Variants in DLG2 observed in about 807,000 individuals in gnomAD.
DLG2 encodes disks large homolog 2.
A neutral mutation model predicts 132.5 loss-of-function variants in DLG2; 45 were observed. The observed-to-expected ratio is 0.34, with a 90% CI of 0.27 to 0.44. The LOEUF (loss-of-function observed/expected upper bound fraction) is 0.44, where lower values mean the gene tolerates loss of function less well. Ranked by LOEUF, DLG2 falls within the 20% of genes least tolerant of loss-of-function variation. DLG2 has a pLI of 1.00. For synonymous variants in DLG2, 424 were observed against 419.6 expected (o/e 1.01, Z -0.13); for missense variants, 1,045 against 1,196.9 (o/e 0.87, Z 1.87).
chr11:85,472,835 G>A (rs1297346605), intron 3 of DLG2, among the ~76,000 whole-genome samples: 1 of 152,192 alleles, frequency 6.6e-6, no homozygotes, highest in Non-Finnish European at 1.5e-5. Context: ...TCGGGCGAAG[G>A]GACTGAATGA....
At chr11:85,481,375 C>T (rs1270117393) in intron 3 of DLG2, among the ~76,000 whole-genome samples, 1 of 152,132 alleles carries the variant, frequency 6.6e-6, no homozygotes, top group Non-Finnish European at 1.5e-5. Context: ...AATACTTTCA[C>T]AATAGGTAAG....
chr11:84,167,829 G>C (rs2095706748), intron 8 of DLG2, among the ~76,000 whole-genome samples: 1 of 152,064 alleles, frequency 6.6e-6, no homozygotes, highest in Admixed American at 6.6e-5. Context: ...ACCATGCCAA[G>C]CTAATTTTGT....
At chr11:84,973,441 T>G (rs936401377) in intron 6 of DLG2, among the ~76,000 whole-genome samples, 14 of 152,272 alleles carry the variant, frequency 9.2e-5, no homozygotes, top group African/African-American at 2.9e-4. Context: ...CAGCAGGTAT[T>G]TCGTTGTCCA....
intron 3 of DLG2, among the ~76,000 whole-genome samples, chr11:85,518,456 A>T (rs896571825): frequency 6.6e-6 from 1 of 152,148 alleles, no homozygotes. Flanking sequence ...CTTTCAACTT[A>T]AGAGAGATGA....
At chr11:85,524,875 AG>A (rs2074619749) in intron 3 of DLG2, 1 of 152,162 alleles carries the variant, frequency 6.6e-6, no homozygotes, top group Non-Finnish European at 1.5e-5. Flanking sequence ...TTATTGTTTC[AG>A]GGTGGACACA....
At chr11:85,215,868 G>GTAGAGAGAAAGTAGAAAATGAAC (rs2082556595) in intron 4 of DLG2, among the ~76,000 whole-genome samples, 1 of 151,994 alleles carries the variant, frequency 6.6e-6, no homozygotes. Context: ...ATGAACCTAA[G>GTAGAGAGAAAGTAGAAAATGAAC]GAAGTAGAGA....
intron 6 of DLG2, among the ~76,000 whole-genome samples, chr11:85,075,692 A>G (rs1438820328): frequency 6.6e-6 from 1 of 151,876 alleles, no homozygotes; most frequent in Non-Finnish European, 1.5e-5. Context: ...ATATGTGCAT[A>G]TACTCCCAAA....
At chr11:85,602,781 T>A (rs754271490) in intron 2 of DLG2, among the ~76,000 whole-genome samples, 1 of 152,212 alleles carries the variant, frequency 6.6e-6, no homozygotes, top group Non-Finnish European at 1.5e-5. Context: ...CACAGTATGC[T>A]GTTTCTCAAA....
chr11:84,277,603 C>T (rs539714012), intron 7 of DLG2, among the ~76,000 whole-genome samples: 7 of 152,188 alleles, frequency 4.6e-5, no homozygotes, highest in African/African-American at 1.7e-4. Flanking sequence ...TCACTACACG[C>T]TTATATTTGA....
rs188983601 is a variant in DLG2 at position 85,216,163 on chromosome 11, T to C, written c.187-61512A>G. Among the ~76,000 whole-genome samples the C allele has an allele frequency of 2.6e-5, 4 of 152,104 alleles. No homozygotes were observed. The East Asian group carries it at 7.7e-4, about 29-fold the overall frequency. ...GAAACCTCATCTCAAAAAATAATAG[T>C]AATGGTAAGGAAAGAAAGTTTTTTA... is the stretch of plus-strand genomic sequence containing the variant. On this transcript the variant is annotated intron_variant, in intron 4 of 27. Transcript: ENST00000376104.
intron 15 of DLG2, among the ~76,000 whole-genome samples, chr11:83,906,245 TCTCTCTCTCTCTCACACACACACACA>T (rs2074820114): frequency 1.7e-5 from 2 of 117,146 alleles, no homozygotes; most frequent in African/African-American, 7.8e-5. Context: ...TCTCTCTCTC[TCTCTCTCTCTCTCACACACACACACA>T]CACACACACA....
chr11:85,078,932 A>G lies in DLG2; in HGVS notation c.357+32729T>C, dbSNP rs74866269. On this transcript the variant is annotated intron_variant, in intron 6 of 27. Transcript: ENST00000376104. ...ATCAATTTAGAAGTTTATTTTCCCA[A>G]GGTTAAGGACATGCCTGTGACATGG... Among the ~76,000 whole-genome samples, 106 of 152,224 alleles carry G rather than the reference A, an allele frequency of 7.0e-4. 1 individual carries two copies. The highest frequency in any genetic ancestry group is 2.3e-3 in the African/African-American group (95 of 41,556).
chr11:83,909,310 C>CT (rs1403287617), intron 15 of DLG2, among the ~76,000 whole-genome samples: 3 of 152,186 alleles, frequency 2.0e-5, no homozygotes, highest in African/African-American at 7.2e-5. Flanking sequence ...CAAATAATGT[C>CT]TGAGACTCCT....
intron 3 of DLG2, among the ~76,000 whole-genome samples, chr11:85,295,551 G>A (rs1323004808): frequency 6.6e-6 from 1 of 152,132 alleles, no homozygotes; most frequent in Admixed American, 6.6e-5. Context: ...CTGGACAATG[G>A]CAAGGCTATT....
At chr11:84,046,905 T>A (rs1007363549) in intron 11 of DLG2, among the ~76,000 whole-genome samples, 1 of 151,704 alleles carries the variant, frequency 6.6e-6, no homozygotes, top group African/African-American at 2.4e-5. Flanking sequence ...ACAAAGTCTA[T>A]GTAGTACAGG....
chr11:85,185,396 T>C (rs1162859490), intron 4 of DLG2, among the ~76,000 whole-genome samples: 1 of 152,014 alleles, frequency 6.6e-6, no homozygotes, highest in Non-Finnish European at 1.5e-5. Context: ...AATTTGGATA[T>C]TTAGGAAGTC....
At chr11:85,004,716 G>A (rs972634475) in intron 6 of DLG2, among the ~76,000 whole-genome samples, 6 of 152,066 alleles carry the variant, frequency 3.9e-5, no homozygotes, top group African/African-American at 7.2e-5. Flanking sequence ...CTATGCAGAA[G>A]CTCTTTAGTT....
chr11:83,795,124 C>T (rs3911194), intron 17 of DLG2, among the ~76,000 whole-genome samples: 5,340 of 152,122 alleles, frequency 0.035, 312 homozygotes, highest in African/African-American at 0.12. Context: ...ATTTATATTC[C>T]GGCCAGGCGC....
At chr11:84,173,218 C>T (rs2095863376) in intron 8 of DLG2, among the ~76,000 whole-genome samples, 1 of 152,198 alleles carries the variant, frequency 6.6e-6, no homozygotes, top group Admixed American at 6.5e-5. Context: ...GCTTTGCTCC[C>T]TTGTTTTGCA....
Sources: allele counts gnomAD v4.1 joint callset (sites outside exome capture counted in the v4.1 genomes callset), GRCh38; gene constraint gnomAD v4.1.1; transcripts MANE v1.5; gene names NCBI Gene and HGNC (gene_info 2026-07-23, HGNC 2026-07-21).